HEMK2: variants seen among roughly 807,000 people sequenced by gnomAD.
HEMK2 encodes the protein methyltransferase HEMK2.
chr21:28,728,473 C>T, the HEMK2 span, among the ~76,000 whole-genome samples: 134 of 145,442 alleles, frequency 9.2e-4, no homozygotes, highest in African/African-American at 3.4e-3. Flanking sequence ...GTTATGTTTG[C>T]CCAGAAATCC....
chr21:28,594,789 G>A, the HEMK2 span, among the ~76,000 whole-genome samples: 5 of 152,100 alleles, frequency 3.3e-5, no homozygotes, highest in African/African-American at 1.2e-4. Flanking sequence ...CTCAATTTGT[G>A]CTAGAATGAA....
chr21:28,645,837 G>T, the HEMK2 span, among the ~76,000 whole-genome samples: 1 of 152,150 alleles, frequency 6.6e-6, no homozygotes, highest in South Asian at 2.1e-4. Flanking sequence ...CACCAAATCT[G>T]CCAGTGCCTT....
the HEMK2 span, among the ~76,000 whole-genome samples, chr21:28,819,763 T>C: frequency 2.0e-5 from 3 of 152,058 alleles, no homozygotes; most frequent in Non-Finnish European, 4.4e-5. Context: ...TTGGCCAGGA[T>C]GGTCTCGATC....
the HEMK2 span, among the ~76,000 whole-genome samples, chr21:28,860,206 A>G: frequency 6.6e-6 from 1 of 152,138 alleles, no homozygotes; most frequent in Non-Finnish European, 1.5e-5. Flanking sequence ...CTGGGTGGGC[A>G]CAATCTACTC....
At chr21:28,852,564 G>T in the HEMK2 span, among the ~76,000 whole-genome samples, 4 of 151,974 alleles carry the variant, frequency 2.6e-5, no homozygotes, top group African/African-American at 9.7e-5. Context: ...AGAAGCTAGA[G>T]GTGTCCTTGG....
At chr21:28,775,188 T>C in the HEMK2 span, among the ~76,000 whole-genome samples, 1 of 152,240 alleles carries the variant, frequency 6.6e-6, no homozygotes, top group Non-Finnish European at 1.5e-5. Context: ...CCATGATTTA[T>C]GGCTGGAGCA....
the HEMK2 span, among the ~76,000 whole-genome samples, chr21:28,848,071 T>C: frequency 6.6e-6 from 1 of 152,254 alleles, no homozygotes; most frequent in Non-Finnish European, 1.5e-5. Flanking sequence ...TCCAGCTTTG[T>C]TCTTTTTGCT....
At chr21:28,668,540 C>T in the HEMK2 span, among the ~76,000 whole-genome samples, 2 of 152,192 alleles carry the variant, frequency 1.3e-5, no homozygotes, top group Admixed American at 6.5e-5. Context: ...CTTATTTGAA[C>T]AGGAAGTAGG....
chr21:28,806,588 C>A, the HEMK2 span, among the ~76,000 whole-genome samples: 1 of 152,108 alleles, frequency 6.6e-6, no homozygotes, highest in Non-Finnish European at 1.5e-5. Flanking sequence ...AGGTATTGGG[C>A]AGTCCCACAG....
chr21:28,726,261 T>C, the HEMK2 span, among the ~76,000 whole-genome samples: 19 of 152,076 alleles, frequency 1.2e-4, no homozygotes, highest in African/African-American at 4.6e-4. Flanking sequence ...TACCATACTA[T>C]GTTTTACTTA....
chr21:28,849,400 A>C, the HEMK2 span, among the ~76,000 whole-genome samples: 1 of 152,246 alleles, frequency 6.6e-6, no homozygotes, highest in Non-Finnish European at 1.5e-5. Context: ...TCAAAGACTG[A>C]AGGAACATCA....
the HEMK2 span, chr21:28,876,094 GA>G: frequency 0.17 from 33,962 of 199,068 alleles, 3,108 homozygotes; most frequent in South Asian, 0.22. Context: ...GGACTGGTAT[GA>G]AAAAAAAGAC....
the HEMK2 span, among the ~76,000 whole-genome samples, chr21:28,780,680 G>C: frequency 6.6e-6 from 1 of 152,192 alleles, no homozygotes; most frequent in Non-Finnish European, 1.5e-5. Flanking sequence ...CTAAAGCTTT[G>C]CTCACTAAAG....
the HEMK2 span, among the ~76,000 whole-genome samples, chr21:28,868,822 A>G: frequency 1.3e-5 from 2 of 152,246 alleles, no homozygotes; most frequent in Admixed American, 1.3e-4. Context: ...GCATAGAAAT[A>G]CAAATGATTT....
At chr21:28,593,816 G>A in the HEMK2 span, among the ~76,000 whole-genome samples, 1 of 152,192 alleles carries the variant, frequency 6.6e-6, no homozygotes, top group Non-Finnish European at 1.5e-5. Context: ...AATAAATGAA[G>A]AGAATAGACA....
the HEMK2 span, among the ~76,000 whole-genome samples, chr21:28,589,608 T>C: frequency 1.3e-5 from 2 of 152,148 alleles, no homozygotes; most frequent in South Asian, 2.1e-4. Flanking sequence ...GAGCCAAGTT[T>C]CTCAGTTTTG....
chr21:28,629,576 G>A, the HEMK2 span, among the ~76,000 whole-genome samples: 4 of 152,200 alleles, frequency 2.6e-5, no homozygotes, highest in Admixed American at 6.5e-5. Flanking sequence ...AGAGTGGACC[G>A]CAGGCAGCAT....
At chr21:28,601,457 T>C in the HEMK2 span, among the ~76,000 whole-genome samples, 1 of 152,206 alleles carries the variant, frequency 6.6e-6, no homozygotes, top group African/African-American at 2.4e-5. Context: ...TTAGAGTTTT[T>C]GCTCAAATGT....
chr21:28,812,800 C>T, the HEMK2 span, among the ~76,000 whole-genome samples: 2 of 152,272 alleles, frequency 1.3e-5, no homozygotes, highest in African/African-American at 4.8e-5. Context: ...TTAATTACTG[C>T]CTCAGTTTCA....
Sources: gnomAD v4.1 joint callset for allele counts (sites outside exome capture counted in the v4.1 genomes callset) on GRCh38, gnomAD v4.1.1 for gene constraint, MANE v1.5 for transcripts, NCBI Gene and HGNC (gene_info 2026-07-23, HGNC 2026-07-21) for gene names.